The following SENP3 variants were observed in gnomAD, a reference collection of about 807,000 sequenced individuals.
The protein encoded by SENP3 is sentrin-specific protease 3.
In SENP3, 11 loss-of-function variants were observed where a neutral mutation model predicts 66.2. The observed-to-expected ratio is 0.17, with a 90% CI of 0.10 to 0.28. The LOEUF (loss-of-function observed/expected upper bound fraction) is 0.28, where lower values mean the gene tolerates loss of function less well. Ranked by LOEUF, SENP3 falls within the 10% of genes least tolerant of loss-of-function variation. SENP3 has a pLI of 1.00. For synonymous variants in SENP3, 292 were observed against 277.6 expected, an observed-to-expected ratio of 1.05 and a Z score of -0.52; for missense variants, 548 against 743.7, an observed-to-expected ratio of 0.74 and a Z score of 3.06.
intron 10 of SENP3, 89 bp downstream of exon 10, chr17:7,571,022 C>T: frequency 8.5e-7 from 1 of 1,170,088 alleles, no homozygotes; most frequent in Non-Finnish European, 1.2e-6. Flanking sequence ...TCATTTGGCT[C>T]ATAGTCAGTT....
chr17:7,568,684 C>T (rs900007516), intron 7 of SENP3, among the ~76,000 whole-genome samples: 10 of 152,196 alleles, frequency 6.6e-5, no homozygotes, highest in African/African-American at 2.2e-4. Flanking sequence ...GGCCTCTTCC[C>T]GGTACCTTTC....
chr17:7,563,551 C>T lies in SENP3; in HGVS notation c.475C>T (p.Arg159Trp), dbSNP rs772327518. ...TTGGGGGCGCCACCGGGGCCGGCGG[C>T]GGGGCCTCGCACACCCCAAGAACCA... ...KLWGRHRGRR[R>W]GLAHPKNHLS... The change falls in exon 2 of 11, where the codon CGG becomes TGG. Residue 159 changes from arginine to tryptophan, a missense_variant. Physicochemically the swap from Arg to Trp is moderately radical, Grantham distance 101. Around this residue, in one of 6 missense-constraint regions of SENP3, gnomAD observed 215 missense variants for 230.7 expected, o/e 0.93. Transcript: ENST00000321337. The T allele has an allele frequency of 2.1e-5, 33 of 1,549,422 alleles. No homozygotes were observed. Among genetic ancestry groups the T allele is most frequent in the African/African-American group, 2.7e-5 (2 of 73,010 alleles).
intron 6 of SENP3, among the ~76,000 whole-genome samples, chr17:7,566,627 C>G (rs1567729297): frequency 6.6e-6 from 1 of 150,380 alleles, no homozygotes; most frequent in Non-Finnish European, 1.5e-5. Context: ...AATCATGCCA[C>G]TGCACTCCAG....
chr17:7,563,240 G>A lies in SENP3; in HGVS notation c.164G>A (p.Gly55Glu), dbSNP rs1028004510. 1 of 1,563,852 alleles carries A rather than the reference G, an allele frequency of 6.4e-7. No individual in the cohort carries two copies. The highest frequency in any genetic ancestry group is 8.7e-7 in the Non-Finnish European group (1 of 1,154,100). The change falls in exon 2 of 11, where the codon GGG (glycine) becomes GAG (glutamate). Residue 55 changes from glycine to glutamate, a missense_variant. Around this residue, in one of 6 missense-constraint regions of SENP3, gnomAD observed 164 missense variants for 167.9 expected, o/e 0.98. Transcript: ENST00000321337. ...GGGTTTGGGCCAGATCCTGGGTCAGGGACCACAGTGCCAGCCAGACGCCTC... is the reference window on the plus strand; with the variant it reads ...GGGTTTGGGCCAGATCCTGGGTCAGAGACCACAGTGCCAGCCAGACGCCTC... ...GGGFGPDPGS[G>E]TTVPARRLPV... is the part of the protein sequence containing the mutation.
rs1411490354 is a variant in SENP3, at chr17:7,563,427, T to A, written c.351T>A (p.Thr117=). The change falls in exon 2 of 11, where the codon ACT becomes ACA. Residue 117 remains threonine, a synonymous_variant. Coordinates refer to ENST00000321337, the MANE Select transcript of SENP3 (RefSeq NM_015670.6). ...AGCGGCCCCGCCCTTCCCGCCCCAC[T>A]CATCGAAAAACCTGCTCACAGCGCC... ...TSQRPRPSRP[T]HRKTCSQRRR... 4 of 445,120 alleles carry A rather than the reference T, an allele frequency of 9.0e-6. No individual in the cohort carries two copies. Among genetic ancestry groups the A allele is most frequent in the Non-Finnish European group, 1.7e-5 (4 of 235,170 alleles). 27.6% of individuals were successfully genotyped at this position (445,120 alleles called of 1,614,324 possible). A position where few individuals can be genotyped will look rare whatever the true frequency, so the allele number is the denominator to read the frequency against.
In SENP3 at chr17:7,564,605, C is replaced by G; in HGVS notation, c.716-20C>G. The G allele has an allele frequency of 2.5e-6, 4 of 1,613,534 alleles. No homozygotes were observed. Among genetic ancestry groups the G allele is most frequent in the Non-Finnish European group, 3.4e-6 (4 of 1,179,684 alleles). ...CCCAGGCCAGTCTCTCATGCCCATT[C>G]CATTTCCCCTGCCCTATAGGCCTCC... On this transcript the variant is annotated intron_variant, in intron 2 of 10. Coordinates refer to ENST00000321337, the MANE Select transcript of SENP3 (RefSeq NM_015670.6).
At position 7,571,488 on chromosome 17, in the gene SENP3, C is replaced by CGT. The variant is rs1567730975; in HGVS notation, c.*6_*7dup. On this transcript the variant is annotated 3_prime_UTR_variant, in exon 11 of 11. Coordinates refer to ENST00000321337, the MANE Select transcript of SENP3 (RefSeq NM_015670.6). ...CACTGCAAACTCACTGTGTGAGCCT[C>CGT]GTACCCCAGACCCCAAGCCCATAAA... The CGT allele has an allele frequency of 8.1e-6, 13 of 1,608,452 alleles. No individual in the cohort carries two copies. In the East Asian group the frequency reaches 2.9e-4, roughly 36 times the overall value.
intron 6 of SENP3, 113 bp from the exon 7 acceptor site, chr17:7,566,814 A>C: frequency 1.2e-6 from 1 of 824,056 alleles, no homozygotes; most frequent in South Asian, 1.5e-5. Context: ...TACCAAAAAA[A>C]AAAGAAAAAA....
intron 7 of SENP3, among the ~76,000 whole-genome samples, chr17:7,569,384 C>CAAAAAAAAAAA (rs1283964746): frequency 5.8e-4 from 62 of 106,670 alleles, no homozygotes; most frequent in African/African-American, 1.9e-3. Context: ...GACTCCGTCT[C>CAAAAAAAAAAA]AAAAAAAAAA....
Position 7,562,948 on chromosome 17 carries a change from G to GT in SENP3, c.-11-112dup. On this transcript the variant is annotated intron_variant, in intron 1 of 10. Coordinates refer to ENST00000321337, the MANE Select transcript of SENP3 (RefSeq NM_015670.6). The surrounding 1 kb of genome is among the most constrained non-coding windows in gnomAD (Gnocchi z 5.0). Reference sequence around the variant, plus strand: ...GAAGATCTTAAGTTAGGAGTTTTGCGTTTTTTCCTCTTTTCTTTATTTGCA... The same window carrying GT: ...GAAGATCTTAAGTTAGGAGTTTTGCGTTTTTTTCCTCTTTTCTTTATTTGCA... 6 of 1,310,590 alleles carry GT rather than the reference G, an allele frequency of 4.6e-6. No individual in the cohort carries two copies. The highest frequency in any genetic ancestry group is 1.5e-5 in the African/African-American group (1 of 65,286). The allele number at this position is 1,310,590 out of a possible 1,614,324, so 81.2% of individuals were successfully genotyped here. A position where few individuals can be genotyped will look rare whatever the true frequency, so the allele number is the denominator to read the frequency against.
intron 7 of SENP3, among the ~76,000 whole-genome samples, chr17:7,569,646 C>T (rs1178550532): frequency 6.6e-6 from 1 of 152,166 alleles, no homozygotes; most frequent in African/African-American, 2.4e-5. Context: ...AGAGCTTACA[C>T]CCTCAGGGAT....
In SENP3 at chr17:7,570,703, C is replaced by T; in HGVS notation, c.1502C>T (p.Ala501Val). 1 of 1,612,964 alleles carries T rather than the reference C, an allele frequency of 6.2e-7. No individual in the cohort carries two copies. Among genetic ancestry groups the T allele is most frequent in the Non-Finnish European group, 8.5e-7 (1 of 1,179,472 alleles). The change falls in exon 9 of 11, where the codon GCA becomes GTA. Residue 501 changes from alanine (A) to valine (V), a missense_variant. By Grantham distance (64) the Ala-to-Val change is moderately conservative (BLOSUM62 0). This residue lies in a region of SENP3 where 81 missense variants were observed against 139.8 expected (regional missense o/e 0.58). Coordinates refer to ENST00000321337, the MANE Select transcript of SENP3 (RefSeq NM_015670.6). The surrounding 1 kb of genome is among the most constrained non-coding windows in gnomAD (Gnocchi z 5.4). ...TAGCATATTGCCAAGTATCTACAGG[C>T]AGAGGCGGTAAAGAAAGACCGACTG... ...CPKHIAKYLQ[A>V]EAVKKDRLDF...
Position 7,562,306 on chromosome 17 carries a change from C to G in SENP3, c.-12+43C>G. 2 of 397,540 alleles carry G rather than the reference C, an allele frequency of 5.0e-6. No homozygotes were observed. Among genetic ancestry groups the G allele is most frequent in the Non-Finnish European group, 8.9e-6 (2 of 225,434 alleles). 24.6% of individuals were successfully genotyped at this position (397,540 alleles called of 1,614,324 possible). ...CCTCCCCCCAGCCCTGCCTTGGCCT[C>G]TCCCATTCCTGGGCCTCGCTCCCAC... On this transcript the variant is annotated intron_variant, in intron 1 of 10. Coordinates refer to ENST00000321337, the MANE Select transcript of SENP3 (RefSeq NM_015670.6). This position sits in a 1 kb window ranked among gnomAD's most constrained non-coding sequence, Gnocchi z 5.0.
intron 2 of SENP3, among the ~76,000 whole-genome samples, chr17:7,564,201 A>G (rs1020747225): frequency 6.6e-6 from 1 of 152,196 alleles, no homozygotes; most frequent in African/African-American, 2.4e-5. Flanking sequence ...GGAGTACATC[A>G]TCTTACAGTT....
In SENP3 at chr17:7,571,839, A is replaced by G. The variant is rs1241316043; in HGVS notation, c.*356A>G. 1 of 766 alleles carries G rather than the reference A, an allele frequency of 1.3e-3. No homozygotes were observed. Among genetic ancestry groups the G allele is most frequent in the East Asian group, 0.014 (1 of 70 alleles). 0.0% of individuals were successfully genotyped at this position (766 alleles called of 1,614,324 possible). A position where few individuals can be genotyped will look rare whatever the true frequency, so the allele number is the denominator to read the frequency against. On this transcript the variant is annotated 3_prime_UTR_variant, in exon 11 of 11. Transcript: ENST00000321337. Reference sequence around the variant, plus strand: ...CTGCCTGCCAGATCTTCAAACTTTTATATATATATATATATATATATATAT... The same window carrying G: ...CTGCCTGCCAGATCTTCAAACTTTTGTATATATATATATATATATATATAT...
rs1246943802 is a variant in SENP3, at chr17:7,570,206, CAGATCCTG to C, written c.1342-147_1342-140del. ...CCTTACCCCGAAGAACCGAAACATGCAGATCCTGAGCTTGCCCACAATCTAGGCCTTGG... is the reference window on the plus strand; with the variant it reads ...CCTTACCCCGAAGAACCGAAACATGCAGCTTGCCCACAATCTAGGCCTTGG... On this transcript the variant is annotated intron_variant, in intron 7 of 10. Transcript: ENST00000321337. The surrounding 1 kb of genome is among the most constrained non-coding windows in gnomAD (Gnocchi z 5.4). The C allele has an allele frequency of 1.1e-6, 1 of 935,214 alleles. No homozygotes were observed. Among genetic ancestry groups the C allele is most frequent in the Non-Finnish European group, 1.6e-6 (1 of 620,318 alleles). 57.9% of individuals were successfully genotyped at this position (935,214 alleles called of 1,614,324 possible).
At chr17:7,564,936 C>G (rs748064341) in intron 3 of SENP3, 23 bp from the exon 4 acceptor site, 8 of 1,610,698 alleles carry the variant, frequency 5.0e-6, no homozygotes, top group Admixed American at 3.3e-5. Flanking sequence ...GGCCTCACCC[C>G]CTCCTCTCTC....
chr17:7,564,420 C>CT (rs761256181), intron 2 of SENP3: 2 of 756,528 alleles, frequency 2.6e-6, no homozygotes, highest in Non-Finnish European at 4.6e-6. Flanking sequence ...TAGGAACTCT[C>CT]TCTCCATCCC....
chr17:7,562,240 G>A lies in SENP3; in HGVS notation c.-35G>A, dbSNP rs1012865220. The A allele has an allele frequency of 1.0e-5, 4 of 398,352 alleles. No homozygotes were observed. The highest frequency in any genetic ancestry group is 1.8e-5 in the Non-Finnish European group (4 of 225,932). The allele number at this position is 398,352 out of a possible 1,614,324, so 24.7% of individuals were successfully genotyped here. ...GCCGGAGACGCCCGCCTTCGGGCCC[G>A]TCCGCCCGGCTTCCCCGCTCCCGGT... is the stretch of plus-strand genomic sequence containing the variant. On this transcript the variant is annotated 5_prime_UTR_variant, in exon 1 of 11. Coordinates refer to ENST00000321337, the MANE Select transcript of SENP3 (RefSeq NM_015670.6). The surrounding 1 kb of genome is among the most constrained non-coding windows in gnomAD (Gnocchi z 5.0).
Sources: gnomAD v4.1 joint callset for allele counts (sites outside exome capture counted in the v4.1 genomes callset) on GRCh38, gnomAD v4.1.1 for gene constraint, gnomAD v4.1.1 regional missense constraint, Gnocchi (gnomAD v3.1) non-coding constraint, MANE v1.5 for transcripts, NCBI Gene and HGNC (gene_info 2026-07-23, HGNC 2026-07-21) for gene names.